Variants in PRDM5 observed in about 807,000 individuals in gnomAD.
PRDM5 encodes the protein PR/SET domain 5.
Under a neutral mutation model 81.2 loss-of-function variants are expected in PRDM5, and 56 were observed. The observed-to-expected ratio is 0.69, with a 90% CI of 0.56 to 0.86. The LOEUF is 0.86. PRDM5 is among the 40% of genes least tolerant of loss of function. The pLI is 0.00. For synonymous variants in PRDM5, 267 were observed against 256.4 expected (o/e 1.04, Z -0.39); for missense variants, 697 against 770.1 (o/e 0.91, Z 1.12).
intron 4 of PRDM5, among the ~76,000 whole-genome samples, chr4:120,820,065 T>G (rs1337373037): frequency 6.6e-6 from 1 of 152,240 alleles, no homozygotes; most frequent in Non-Finnish European, 1.5e-5. Flanking sequence ...AGTATCAGCC[T>G]GCTATGGTCT....
intron 1 of PRDM5, among the ~76,000 whole-genome samples, chr4:120,919,218 C>T (rs1724590958): frequency 6.6e-6 from 1 of 152,148 alleles, no homozygotes; most frequent in African/African-American, 2.4e-5. Flanking sequence ...TAATTTAACA[C>T]TTGCCTCAAT....
chr4:120,835,848 G>A (rs1757293968), intron 3 of PRDM5, among the ~76,000 whole-genome samples: 1 of 152,182 alleles, frequency 6.6e-6, no homozygotes, highest in Non-Finnish European at 1.5e-5. Flanking sequence ...CAGAGGATAG[G>A]TGGTTTCAGG....
In PRDM5 at chr4:120,816,712, G is replaced by A. The variant is rs1479273280; in HGVS notation, c.743+120C>T. The A allele has an allele frequency of 5.2e-5, 78 of 1,505,600 alleles. 1 individual carries two copies. The highest frequency in any genetic ancestry group is 5.3e-5 in the Non-Finnish European group (57 of 1,081,758). The allele number at this position is 1,505,600 out of a possible 1,614,324, so 93.3% of individuals were successfully genotyped here. ...TTCCATGCATTACCTATGCAGGTAAGAAGAAAAGCATTTAAATTCTGTAGG... is the reference window on the plus strand; with the variant it reads ...TTCCATGCATTACCTATGCAGGTAAAAAGAAAAGCATTTAAATTCTGTAGG... On this transcript the variant is annotated intron_variant, in intron 6 of 15. Coordinates refer to ENST00000264808, the MANE Select transcript of PRDM5 (RefSeq NM_018699.4).
chr4:120,753,501 A>T (rs533310014), intron 14 of PRDM5, among the ~76,000 whole-genome samples: 11 of 152,296 alleles, frequency 7.2e-5, no homozygotes, highest in Admixed American at 6.5e-4. Context: ...CAAAAAGAGT[A>T]TTTTCTTAAG....
chr4:120,738,871 T>C (rs1394531077), intron 14 of PRDM5, among the ~76,000 whole-genome samples: 1 of 152,232 alleles, frequency 6.6e-6, no homozygotes, highest in Non-Finnish European at 1.5e-5. Context: ...TACATTATTA[T>C]TGTTTATGGT....
chr4:120,750,761 T>C (rs1052648874), intron 14 of PRDM5, among the ~76,000 whole-genome samples: 7 of 151,572 alleles, frequency 4.6e-5, no homozygotes, highest in African/African-American at 1.7e-4. Context: ...TATGTTACAC[T>C]TGAAAAGCAA....
chr4:120,909,882 T>C (rs1766297506), intron 1 of PRDM5, among the ~76,000 whole-genome samples: 1 of 152,130 alleles, frequency 6.6e-6, no homozygotes, highest in Non-Finnish European at 1.5e-5. Context: ...TAATAAATAG[T>C]GGTTTTTAGC....
intron 3 of PRDM5, among the ~76,000 whole-genome samples, chr4:120,826,191 T>C (rs1234779777): frequency 1.3e-5 from 2 of 152,046 alleles, no homozygotes; most frequent in Non-Finnish European, 2.9e-5. Context: ...TCCCCAAATC[T>C]CCTTCAAATG....
At chr4:120,762,449 C>T (rs1367416560) in intron 13 of PRDM5, 2 of 152,118 alleles carry the variant, frequency 1.3e-5, no homozygotes, top group African/African-American at 2.4e-5. Flanking sequence ...AAGAACTTTA[C>T]ATTTTTTTCC....
At chr4:120,831,958 T>C (rs982515038) in intron 3 of PRDM5, among the ~76,000 whole-genome samples, 2 of 152,076 alleles carry the variant, frequency 1.3e-5, no homozygotes, top group African/African-American at 4.8e-5. Context: ...TATAAGCAAG[T>C]GTGAGGAACA....
At chr4:120,827,213 G>T (rs1198276879) in intron 3 of PRDM5, among the ~76,000 whole-genome samples, 1 of 152,130 alleles carries the variant, frequency 6.6e-6, no homozygotes, top group Non-Finnish European at 1.5e-5. Context: ...CAGTGGCTTA[G>T]ATTGTATCAG....
At chr4:120,892,284 T>C (rs890660671) in intron 2 of PRDM5, among the ~76,000 whole-genome samples, 2 of 152,152 alleles carry the variant, frequency 1.3e-5, no homozygotes, top group African/African-American at 4.8e-5. Flanking sequence ...GAAAAATGTA[T>C]ATTCTGTTAT....
At chr4:120,738,625 AT>A (rs1394031642) in intron 14 of PRDM5, among the ~76,000 whole-genome samples, 12 of 152,172 alleles carry the variant, frequency 7.9e-5, no homozygotes, top group African/African-American at 2.7e-4. Context: ...TAAGATGTGT[AT>A]TTTCCAAAAA....
chr4:120,841,204 ATATACTTGG>A (rs1757990862), intron 3 of PRDM5, among the ~76,000 whole-genome samples: 1 of 152,200 alleles, frequency 6.6e-6, no homozygotes, highest in Non-Finnish European at 1.5e-5. Flanking sequence ...TCAGAGTGAA[ATATACTTGG>A]CTTAATACAG....
At chr4:120,764,918 T>C (rs1490643414) in intron 13 of PRDM5, among the ~76,000 whole-genome samples, 1 of 152,186 alleles carries the variant, frequency 6.6e-6, no homozygotes, top group African/African-American at 2.4e-5. Flanking sequence ...ATGGAGGTCA[T>C]CTAATTCTTA....
intron 2 of PRDM5, among the ~76,000 whole-genome samples, chr4:120,883,040 A>G (rs1763015718): frequency 6.6e-6 from 1 of 152,232 alleles, no homozygotes. Flanking sequence ...CAATAGCCAT[A>G]TGTAACCAGT....
intron 10 of PRDM5, among the ~76,000 whole-genome samples, chr4:120,794,160 T>G (rs1381852324): frequency 6.6e-6 from 1 of 152,084 alleles, no homozygotes; most frequent in African/African-American, 2.4e-5. Flanking sequence ...CAAAGATAGG[T>G]GATTTTGTAC....
intron 14 of PRDM5, among the ~76,000 whole-genome samples, chr4:120,724,623 C>A (rs370442794): frequency 6.6e-6 from 1 of 152,110 alleles, no homozygotes; most frequent in Non-Finnish European, 1.5e-5. Flanking sequence ...AAGTGTAATC[C>A]ATCTTTGAAT....
intron 8 of PRDM5, among the ~76,000 whole-genome samples, chr4:120,804,343 A>T (rs1262859151): frequency 2.0e-5 from 3 of 152,212 alleles, no homozygotes; most frequent in African/African-American, 7.2e-5. Context: ...CTCTGCACCA[A>T]GCAGACCTAA....
Sources: gnomAD v4.1 joint callset for allele counts (sites outside exome capture counted in the v4.1 genomes callset) on GRCh38, gnomAD v4.1.1 for gene constraint, MANE v1.5 for transcripts, NCBI Gene and HGNC (gene_info 2026-07-23, HGNC 2026-07-21) for gene names.